NKAIN3: variants seen among roughly 807,000 people sequenced by gnomAD.
NKAIN3 encodes the protein sodium/potassium-transporting ATPase subunit beta-1-interacting protein 3.
Under a neutral mutation model 30.2 loss-of-function variants are expected in NKAIN3, and 25 were observed. The ratio of observed to expected loss-of-function variants is 0.83; its 90% confidence interval spans 0.60 to 1.16. The LOEUF (loss-of-function observed/expected upper bound fraction) is 1.16, where lower values mean the gene tolerates loss of function less well. Ranked by LOEUF, NKAIN3 falls within the 50% of genes most tolerant of loss-of-function variation. The pLI, the probability that NKAIN3 is intolerant of heterozygous loss-of-function variation, is 0.00. For missense variants in NKAIN3, 225 were observed against 254.1 expected, an observed-to-expected ratio of 0.89 and a Z score of 0.78; for synonymous variants, 91 against 89.6, an observed-to-expected ratio of 1.02 and a Z score of -0.09.
At chr8:62,426,674 A>G (rs1013807243) in intron 1 of NKAIN3, among the ~76,000 whole-genome samples, 13 of 151,930 alleles carry the variant, frequency 8.6e-5, no homozygotes, top group Admixed American at 7.9e-4. Flanking sequence ...GGTGGAGCCT[A>G]TTTCATTAAT....
chr8:62,986,835 G>C (rs757871700), downstream of NKAIN3, among the ~76,000 whole-genome samples: 1 of 152,034 alleles, frequency 6.6e-6, no homozygotes, highest in Non-Finnish European at 1.5e-5. Flanking sequence ...TCTTGAAATA[G>C]GATAAAGACT....
chr8:62,953,630 A>C (rs1353488222), intron 5 of NKAIN3, among the ~76,000 whole-genome samples: 2 of 152,186 alleles, frequency 1.3e-5, no homozygotes, highest in Non-Finnish European at 2.9e-5. Flanking sequence ...ATTATTTAAA[A>C]TCTCATGCTA....
rs35150872 is a variant in NKAIN3, at chr8:62,965,620, TAA to T, written c.*228_*229del. On this transcript the variant is annotated 3_prime_UTR_variant, in exon 7 of 7. Transcript: ENST00000623646. Reference sequence around the variant, plus strand: ...TTCTTATATGAACACTTGTAAGTTGTAAAAAAAAAAAAAAAAGAAAAAACAGA... The same window carrying T: ...TTCTTATATGAACACTTGTAAGTTGTAAAAAAAAAAAAAAGAAAAAACAGA... 6,722 of 873,790 alleles carry T rather than the reference TAA, an allele frequency of 7.7e-3. No homozygotes were observed. The highest frequency in any genetic ancestry group is 0.014 in the East Asian group (113 of 8,004). 54.1% of individuals were successfully genotyped at this position (873,790 alleles called of 1,614,324 possible).
At chr8:62,355,789 C>G (rs888153519) in intron 1 of NKAIN3, among the ~76,000 whole-genome samples, 1 of 152,176 alleles carries the variant, frequency 6.6e-6, no homozygotes, top group Non-Finnish European at 1.5e-5. Flanking sequence ...TTGGGGCCAT[C>G]TGACGTGGTT....
intron 5 of NKAIN3, among the ~76,000 whole-genome samples, chr8:62,992,652 T>C (rs554454457): frequency 6.6e-6 from 1 of 152,076 alleles, no homozygotes; most frequent in South Asian, 2.1e-4. Flanking sequence ...GGTCAAGTTT[T>C]TCATATAGCC....
chr8:62,954,056 C>A, intron 6 of NKAIN3, 84 bp downstream of exon 6: 1 of 258,068 alleles, frequency 3.9e-6, no homozygotes, highest in Non-Finnish European at 6.1e-6. Flanking sequence ...TTTGAACCTA[C>A]TACTACTAAT....
intron 3 of NKAIN3, among the ~76,000 whole-genome samples, chr8:62,617,953 A>G (rs968518064): frequency 1.3e-5 from 2 of 152,242 alleles, no homozygotes; most frequent in Non-Finnish European, 1.5e-5. Context: ...AGTGATAGGA[A>G]GACTTAGCAT....
At chr8:62,549,118 C>T (rs1466515203) in intron 1 of NKAIN3, among the ~76,000 whole-genome samples, 3 of 152,144 alleles carry the variant, frequency 2.0e-5, no homozygotes, top group Non-Finnish European at 4.4e-5. Flanking sequence ...TGTTCATGCT[C>T]TCCTTTTACT....
At chr8:62,285,597 A>G (rs749925991) in intron 1 of NKAIN3, among the ~76,000 whole-genome samples, 2 of 152,100 alleles carry the variant, frequency 1.3e-5, no homozygotes, top group Non-Finnish European at 2.9e-5. Context: ...GGTTTTCCTC[A>G]GAGTGACTCT....
chr8:62,439,964 G>T (rs1805276068), intron 1 of NKAIN3, among the ~76,000 whole-genome samples: 1 of 152,184 alleles, frequency 6.6e-6, no homozygotes, highest in Non-Finnish European at 1.5e-5. Context: ...AATATGAGGA[G>T]AATGTGTTTT....
intron 4 of NKAIN3, among the ~76,000 whole-genome samples, chr8:62,813,698 G>A (rs1242569280): frequency 6.6e-6 from 1 of 151,746 alleles, no homozygotes; most frequent in African/African-American, 2.4e-5. Context: ...TTTTCATAGT[G>A]ATAACATTTT....
intron 3 of NKAIN3, among the ~76,000 whole-genome samples, chr8:62,625,315 A>C (rs1811758114): frequency 6.6e-6 from 1 of 152,106 alleles, no homozygotes; most frequent in South Asian, 2.1e-4. Flanking sequence ...TTGTTAGAAC[A>C]GTCCAAAAGA....
At chr8:62,573,890 T>C (rs1447375419) in intron 1 of NKAIN3, among the ~76,000 whole-genome samples, 2 of 152,168 alleles carry the variant, frequency 1.3e-5, no homozygotes, top group African/African-American at 2.4e-5. Flanking sequence ...AACAATCTAA[T>C]TATACTTTTG....
At chr8:62,316,454 C>A (rs1216316720) in intron 1 of NKAIN3, among the ~76,000 whole-genome samples, 1 of 151,372 alleles carries the variant, frequency 6.6e-6, no homozygotes, top group Admixed American at 6.6e-5. Flanking sequence ...ACAGTCCCCA[C>A]TCTGTGATGT....
chr8:62,371,022 G>A (rs16928771), intron 1 of NKAIN3, among the ~76,000 whole-genome samples: 20,762 of 151,814 alleles, frequency 0.14, 1,725 homozygotes, highest in East Asian at 0.41. Context: ...ATGGTATATC[G>A]TGAGTCATAG....
chr8:62,504,981 C>T (rs968573594), intron 1 of NKAIN3, among the ~76,000 whole-genome samples: 1 of 152,164 alleles, frequency 6.6e-6, no homozygotes, highest in African/African-American at 2.4e-5. Context: ...ATAACACTTA[C>T]TTGAATCTCT....
intron 3 of NKAIN3, among the ~76,000 whole-genome samples, chr8:62,740,104 C>T (rs1815817967): frequency 6.6e-6 from 1 of 152,092 alleles, no homozygotes; most frequent in African/African-American, 2.4e-5. Flanking sequence ...ACTCTATTTG[C>T]TCTTTATTAT....
chr8:62,868,595 G>A (rs528345366), intron 4 of NKAIN3, among the ~76,000 whole-genome samples: 7 of 152,226 alleles, frequency 4.6e-5, no homozygotes, highest in South Asian at 2.1e-4. Context: ...CTGAATAGTC[G>A]GCCCTGTGCT....
At chr8:62,987,290 G>A (rs1824222443), downstream of NKAIN3, among the ~76,000 whole-genome samples, 1 of 152,098 alleles carries the variant, frequency 6.6e-6, no homozygotes, top group Admixed American at 6.5e-5. Context: ...CTACTTGAGA[G>A]GCTGAGGCAT....
Sources: allele counts gnomAD v4.1 joint callset (sites outside exome capture counted in the v4.1 genomes callset), GRCh38; gene constraint gnomAD v4.1.1; transcripts MANE v1.5; gene names NCBI Gene and HGNC (gene_info 2026-07-23, HGNC 2026-07-21).